CSMD1: variants seen among roughly 807,000 people sequenced by gnomAD.
CSMD1 encodes CUB and Sushi multiple domains 1, also known as CUB and sushi domain-containing protein 1.
Under a neutral mutation model 417.5 loss-of-function variants are expected in CSMD1, and 213 were observed. That is an observed-to-expected ratio of 0.51 (90% CI 0.46 to 0.57). CSMD1 has a LOEUF of 0.57. Ranked by LOEUF, CSMD1 falls within the 20% of genes least tolerant of loss-of-function variation. The probability of loss-of-function intolerance (pLI) is 0.00; values close to 1 mark genes in which losing one functional copy is unlikely to be tolerated. For synonymous variants in CSMD1, 2,862 were observed against 1,736.8 expected (o/e 1.65, Z -16.11); for missense variants, 6,923 against 4,529.7 (o/e 1.53, Z -15.17).
At chr8:4,168,707 C>T (rs1351816064) in intron 3 of CSMD1, among the ~76,000 whole-genome samples, 1 of 152,012 alleles carries the variant, frequency 6.6e-6, no homozygotes, top group Non-Finnish European at 1.5e-5. Context: ...TTTTTTAAAA[C>T]ACAAAAAAAG....
Position 3,468,813 on chromosome 8 carries a change from GA to G in CSMD1, c.1459del (p.Ser487ProfsTer8). 1 of 1,594,466 alleles carries G rather than the reference GA, an allele frequency of 6.3e-7. No individual in the cohort carries two copies. The highest frequency in any genetic ancestry group is 8.5e-7 in the Non-Finnish European group (1 of 1,170,182). ...TRSVLYVLTG[S>X]SVPDLIVSMS... ...GCTCACAATGAGGTCAGGAACACTG[GA>G]TCCCGTGAGCCTGCAAGAAAGAGAA... On this transcript the variant is annotated frameshift_variant, in exon 12 of 70. Transcript: ENST00000635120. LOFTEE classifies it high-confidence loss of function.
chr8:3,755,360 T>A (rs1158606158), intron 5 of CSMD1, among the ~76,000 whole-genome samples: 1 of 152,244 alleles, frequency 6.6e-6, no homozygotes, highest in South Asian at 2.1e-4. Context: ...CATGTAAATG[T>A]ACCTGAAGCA....
chr8:4,340,419 A>C (rs1383109895), intron 3 of CSMD1, among the ~76,000 whole-genome samples: 1 of 152,122 alleles, frequency 6.6e-6, no homozygotes, highest in Non-Finnish European at 1.5e-5. Flanking sequence ...TTGGCCAAAT[A>C]AACTCCTCAA....
intron 52 of CSMD1, among the ~76,000 whole-genome samples, chr8:3,007,527 T>C (rs554035928): frequency 6.6e-6 from 1 of 151,460 alleles, no homozygotes; most frequent in African/African-American, 2.4e-5. Flanking sequence ...AACCCAAATG[T>C]CCAACGATGA....
chr8:3,922,341 T>A (rs1265367703), intron 5 of CSMD1, among the ~76,000 whole-genome samples: 1 of 152,012 alleles, frequency 6.6e-6, no homozygotes, highest in Non-Finnish European at 1.5e-5. Context: ...CACTCTGTCT[T>A]TGGATTAAAA....
intron 37 of CSMD1, among the ~76,000 whole-genome samples, chr8:3,180,907 G>A (rs894523898): frequency 6.6e-6 from 1 of 152,060 alleles, no homozygotes; most frequent in African/African-American, 2.4e-5. Context: ...TCCTCCCAAC[G>A]TGCTGGGATT....
At chr8:4,174,359 G>C (rs1164036482) in intron 3 of CSMD1, among the ~76,000 whole-genome samples, 1 of 152,104 alleles carries the variant, frequency 6.6e-6, no homozygotes, top group East Asian at 1.9e-4. Context: ...TGCAGTCTCT[G>C]AGAGAGCAAG....
intron 1 of CSMD1, among the ~76,000 whole-genome samples, chr8:4,656,162 G>A (rs1189812314): frequency 6.6e-6 from 1 of 152,138 alleles, no homozygotes; most frequent in South Asian, 2.1e-4. Flanking sequence ...TAAAGGGAAT[G>A]AGGGAAAACC....
At chr8:4,462,098 C>T (rs904186474) in intron 2 of CSMD1, among the ~76,000 whole-genome samples, 2 of 151,926 alleles carry the variant, frequency 1.3e-5, no homozygotes, top group African/African-American at 2.4e-5. Context: ...TGGTCTCAAA[C>T]TCCTGGGCTC....
rs143366351 is a variant in CSMD1 at position 4,448,538 on chromosome 8, C to T, written c.303-28473G>A. 1.5e-3 allele frequency among the ~76,000 whole-genome samples: 233 copies of T among 152,310 alleles called. 1 individual carries two copies. Among genetic ancestry groups the T allele is most frequent in the African/African-American group, 5.2e-3 (217 of 41,566 alleles). The stretch of plus-strand genomic sequence containing the variant: ...GATTAGTACATAAGTTTACATAAAT[C>T]ATGGGAACATCCTTTGAAATCTAAC... On this transcript the variant is annotated intron_variant, in intron 2 of 69. Coordinates refer to ENST00000635120, the MANE Select transcript of CSMD1 (RefSeq NM_033225.6).
chr8:3,700,368 T>A (rs1800788672), intron 7 of CSMD1: 1 of 152,252 alleles, frequency 6.6e-6, no homozygotes, highest in Admixed American at 6.5e-5. Flanking sequence ...TTACTTTATG[T>A]GTGTGTTTAT....
At chr8:3,880,364 C>T (rs997752039) in intron 5 of CSMD1, among the ~76,000 whole-genome samples, 1 of 152,182 alleles carries the variant, frequency 6.6e-6, no homozygotes, top group Admixed American at 6.5e-5. Flanking sequence ...TGACAGTAAA[C>T]AATATGCCAA....
At chr8:4,065,479 A>C (rs868025664) in intron 3 of CSMD1, among the ~76,000 whole-genome samples, 1 of 152,244 alleles carries the variant, frequency 6.6e-6, no homozygotes, top group Non-Finnish European at 1.5e-5. Context: ...AATGTACATT[A>C]GCTAATACAA....
chr8:4,173,245 G>C (rs565431127), intron 3 of CSMD1, among the ~76,000 whole-genome samples: 1 of 152,116 alleles, frequency 6.6e-6, no homozygotes, highest in African/African-American at 2.4e-5. Flanking sequence ...CTTGTCTCAC[G>C]CAACATTTGG....
chr8:4,208,105 A>G (rs920440135), intron 3 of CSMD1, among the ~76,000 whole-genome samples: 9 of 152,164 alleles, frequency 5.9e-5, no homozygotes, highest in African/African-American at 2.2e-4. Context: ...TATCAGGACA[A>G]GCAATTTCAT....
intron 12 of CSMD1, among the ~76,000 whole-genome samples, chr8:3,436,056 C>G (rs886503568): frequency 6.6e-6 from 1 of 152,144 alleles, no homozygotes; most frequent in Non-Finnish European, 1.5e-5. Flanking sequence ...CCAGCACTCC[C>G]TTCCAGAGAC....
chr8:4,906,825 T>G (rs1206301369), intron 1 of CSMD1, among the ~76,000 whole-genome samples: 2 of 152,244 alleles, frequency 1.3e-5, no homozygotes, highest in African/African-American at 4.8e-5. Context: ...CCCATAGTGC[T>G]GAGATTACAG....
chr8:4,491,898 G>A (rs1393549854), intron 2 of CSMD1, among the ~76,000 whole-genome samples: 1 of 152,050 alleles, frequency 6.6e-6, no homozygotes, highest in Admixed American at 6.6e-5. Flanking sequence ...GAAAAGTTAT[G>A]TTCACACAAA....
chr8:4,090,868 A>G (rs916960721), intron 3 of CSMD1, among the ~76,000 whole-genome samples: 1 of 152,166 alleles, frequency 6.6e-6, no homozygotes, highest in Non-Finnish European at 1.5e-5. Context: ...TAACTATTTT[A>G]CTAATGGATG....
Sources: gnomAD v4.1 joint callset for allele counts (sites outside exome capture counted in the v4.1 genomes callset) on GRCh38, gnomAD v4.1.1 for gene constraint, MANE v1.5 for transcripts, NCBI Gene and HGNC (gene_info 2026-07-23, HGNC 2026-07-21) for gene names.